Variants in EPB41L3 observed in about 807,000 individuals in gnomAD.
EPB41L3 encodes erythrocyte membrane protein band 4.1 like 3, also known as band 4.1-like protein 3.
In EPB41L3, 57 loss-of-function variants were observed where a neutral mutation model predicts 127.1. That is an observed-to-expected ratio of 0.45 (90% CI 0.36 to 0.56). The LOEUF is 0.56. EPB41L3 is among the 20% of genes least tolerant of loss of function. The pLI is 0.00. For synonymous variants in EPB41L3, 572 were observed against 549.5 expected (o/e 1.04, Z -0.57); for missense variants, 1,273 against 1,372.2 (o/e 0.93, Z 1.14).
At chr18:5,627,532 C>T (rs931761358) in intron 1 of EPB41L3, among the ~76,000 whole-genome samples, 2 of 152,202 alleles carry the variant, frequency 1.3e-5, no homozygotes, top group African/African-American at 4.8e-5. Flanking sequence ...AAAAACACAA[C>T]TCATGAGGAC....
At chr18:5,494,226 C>T (rs192988815) in intron 1 of EPB41L3, among the ~76,000 whole-genome samples, 2 of 152,280 alleles carry the variant, frequency 1.3e-5, no homozygotes, top group East Asian at 1.9e-4. Flanking sequence ...CTGCTTGACT[C>T]CTGTCCTCCC....
intron 1 of EPB41L3, among the ~76,000 whole-genome samples, chr18:5,490,626 T>A (rs1042617141): frequency 6.6e-6 from 1 of 152,218 alleles, no homozygotes; most frequent in Non-Finnish European, 1.5e-5. Context: ...AGAAAGGTAG[T>A]GATGCAAATA....
intron 3 of EPB41L3, among the ~76,000 whole-genome samples, chr18:5,469,607 T>C (rs1246629753): frequency 2.6e-5 from 4 of 152,118 alleles, no homozygotes; most frequent in Non-Finnish European, 5.9e-5. Context: ...GTGGGCGGAA[T>C]GAGCCCAATG....
chr18:5,401,589 C>T (rs2074499859), intron 16 of EPB41L3, among the ~76,000 whole-genome samples: 1 of 151,936 alleles, frequency 6.6e-6, no homozygotes, highest in Admixed American at 6.6e-5. Flanking sequence ...TGATTTATTG[C>T]CCACAAATAA....
intron 3 of EPB41L3, among the ~76,000 whole-genome samples, chr18:5,582,690 T>C (rs557864850): frequency 6.6e-6 from 1 of 152,330 alleles, no homozygotes; most frequent in African/African-American, 2.4e-5. Flanking sequence ...AGGAAGAAAC[T>C]GAGTCCCCTA....
Position 5,540,436 on chromosome 18 carries a change from C to T in EPB41L3, c.-12+3477G>A, listed in dbSNP as rs1380558653. 7 of 985,288 alleles carry T rather than the reference C, an allele frequency of 7.1e-6. No homozygotes were observed. In the African/African-American group the frequency reaches 8.7e-5, roughly 12 times the overall value. 61.0% of individuals were successfully genotyped at this position (985,288 alleles called of 1,614,324 possible). A position where few individuals can be genotyped will look rare whatever the true frequency, so the allele number is the denominator to read the frequency against. ...GCTTCAGATGGTCTGGTTTTGCCTG[C>T]CCCACCCTTGTTTCCTTTGAGCCAT... On this transcript the variant is annotated intron_variant, in intron 1 of 22. Coordinates refer to ENST00000341928, the MANE Select transcript of EPB41L3 (RefSeq NM_012307.5).
intron 16 of EPB41L3, among the ~76,000 whole-genome samples, chr18:5,405,380 G>A (rs1273185753): frequency 6.6e-6 from 1 of 152,156 alleles, no homozygotes; most frequent in Non-Finnish European, 1.5e-5. Flanking sequence ...AAAAGATGCA[G>A]TTTTCAAAAA....
intron 3 of EPB41L3, among the ~76,000 whole-genome samples, chr18:5,566,002 A>G (rs11663941): frequency 0.19 from 29,215 of 151,920 alleles, 3,016 homozygotes; most frequent in East Asian, 0.28. Flanking sequence ...ACCCACAGCC[A>G]ATATCATACT....
chr18:5,574,803 C>T (rs1226221121), intron 3 of EPB41L3, among the ~76,000 whole-genome samples: 1 of 152,150 alleles, frequency 6.6e-6, no homozygotes, highest in Non-Finnish European at 1.5e-5. Flanking sequence ...GCCTGGTTCC[C>T]CCAAGACTTT....
intron 5 of EPB41L3, among the ~76,000 whole-genome samples, chr18:5,438,527 C>G (rs188998964): frequency 7.2e-5 from 11 of 152,304 alleles, no homozygotes; most frequent in African/African-American, 2.6e-4. Flanking sequence ...TTTGTCCTTT[C>G]TGCTCTGTTA....
At chr18:5,578,657 C>T (rs2094361009) in intron 3 of EPB41L3, among the ~76,000 whole-genome samples, 2 of 152,100 alleles carry the variant, frequency 1.3e-5, no homozygotes, top group African/African-American at 4.8e-5. Context: ...AAGTGGTGGT[C>T]AGCACCATTA....
At chr18:5,488,554 A>G (rs530095223) in intron 2 of EPB41L3, among the ~76,000 whole-genome samples, 8 of 149,324 alleles carry the variant, frequency 5.4e-5, no homozygotes, top group Non-Finnish European at 1.2e-4. Flanking sequence ...CCCAGAGCTT[A>G]AAGTATAATA....
At chr18:5,546,100 A>G (rs1216025322), upstream of EPB41L3, among the ~76,000 whole-genome samples, 5 of 152,276 alleles carry the variant, frequency 3.3e-5, no homozygotes, top group East Asian at 1.9e-4. Flanking sequence ...TATTTTTGCT[A>G]TTCTTTAAAA....
At chr18:5,406,536 C>T (rs930468259) in intron 16 of EPB41L3, among the ~76,000 whole-genome samples, 5 of 152,148 alleles carry the variant, frequency 3.3e-5, no homozygotes, top group South Asian at 2.1e-4. Flanking sequence ...TGATTTTTCA[C>T]GATAGTCTCC....
chr18:5,601,714 T>C (rs886366700), intron 3 of EPB41L3, among the ~76,000 whole-genome samples: 1 of 152,198 alleles, frequency 6.6e-6, no homozygotes, highest in African/African-American at 2.4e-5. Flanking sequence ...GAAATCCAGT[T>C]CCATTCTTAA....
intron 3 of EPB41L3, among the ~76,000 whole-genome samples, chr18:5,604,418 C>T (rs1418887708): frequency 2.6e-5 from 4 of 151,950 alleles, no homozygotes; most frequent in Non-Finnish European, 4.4e-5. Flanking sequence ...AAAGTCATAC[C>T]TTTTTATTCA....
intron 1 of EPB41L3, among the ~76,000 whole-genome samples, chr18:5,532,813 G>A (rs1489641004): frequency 6.6e-6 from 1 of 152,050 alleles, no homozygotes; most frequent in African/African-American, 2.4e-5. Context: ...TGAGCAGCAC[G>A]AAGGCCCTTA....
intron 1 of EPB41L3, among the ~76,000 whole-genome samples, chr18:5,627,034 G>A (rs1285962097): frequency 6.6e-6 from 1 of 152,160 alleles, no homozygotes; most frequent in Non-Finnish European, 1.5e-5. Flanking sequence ...GAACTGGAAG[G>A]AAGGGAAAGC....
At chr18:5,476,644 T>G (rs778255668) in intron 3 of EPB41L3, among the ~76,000 whole-genome samples, 34 of 152,244 alleles carry the variant, frequency 2.2e-4, no homozygotes, top group Non-Finnish European at 4.3e-4. Flanking sequence ...ATAGAAAGAC[T>G]CTCCTCAAAG....
Sources: allele counts gnomAD v4.1 joint callset (sites outside exome capture counted in the v4.1 genomes callset), GRCh38; gene constraint gnomAD v4.1.1; transcripts MANE v1.5; gene names NCBI Gene and HGNC (gene_info 2026-07-23, HGNC 2026-07-21).